The following TLCD4 variants were observed in gnomAD, a reference collection of about 807,000 sequenced individuals.
TLCD4 encodes the protein TLC domain containing 4.
In TLCD4, 7 loss-of-function variants were observed where a neutral mutation model predicts 24.2. The ratio of observed to expected loss-of-function variants is 0.29; its 90% CI spans 0.16 to 0.54. The LOEUF (loss-of-function observed/expected upper bound fraction) is 0.54, where lower values mean the gene tolerates loss of function less well. Ranked by LOEUF, TLCD4 falls within the 20% of genes least tolerant of loss-of-function variation. TLCD4 has a pLI of 0.95. For missense variants in TLCD4, 259 were observed against 313.9 expected, an observed-to-expected ratio of 0.82 and a Z score of 1.32; for synonymous variants, 103 against 106.4, an observed-to-expected ratio of 0.97 and a Z score of 0.20.
chr1:95,156,486 T>C (rs1349383383), intron 5 of TLCD4, among the ~76,000 whole-genome samples: 3 of 152,110 alleles, frequency 2.0e-5, no homozygotes, highest in Non-Finnish European at 4.4e-5. Context: ...CACGGAATGG[T>C]TGTAGGATCT....
intron 5 of TLCD4, among the ~76,000 whole-genome samples, chr1:95,165,467 GT>G (rs992782348): frequency 6.9e-4 from 74 of 107,100 alleles, no homozygotes; most frequent in South Asian, 3.8e-3. Flanking sequence ...GTGTGTGTGT[GT>G]TTTTTTTTTT....
At chr1:95,173,049 A>G (rs1678282370) in intron 5 of TLCD4, among the ~76,000 whole-genome samples, 1 of 152,230 alleles carries the variant, frequency 6.6e-6, no homozygotes, top group Admixed American at 6.5e-5. Context: ...GTTTAAATTT[A>G]GAAAGGTCTC....
chr1:95,152,757 T>C (rs1677527997), intron 5 of TLCD4, among the ~76,000 whole-genome samples: 1 of 152,166 alleles, frequency 6.6e-6, no homozygotes, highest in South Asian at 2.1e-4. Context: ...TTTTTCCTGA[T>C]ACTCATCTTT....
chr1:95,096,557 G>C, the TLCD4 span, among the ~76,000 whole-genome samples: 2 of 152,178 alleles, frequency 1.3e-5, no homozygotes, highest in African/African-American at 4.8e-5. Context: ...TCATGACCCA[G>C]ATATCAGTTG....
chr1:95,155,754 T>G (rs1345894357), intron 5 of TLCD4, among the ~76,000 whole-genome samples: 8 of 150,612 alleles, frequency 5.3e-5, no homozygotes, highest in Admixed American at 5.3e-4. Flanking sequence ...ACAGAGGTTT[T>G]TTTTTTTTTT....
intron 6 of TLCD4, among the ~76,000 whole-genome samples, chr1:95,175,406 G>T (rs1678385422): frequency 6.6e-6 from 1 of 152,168 alleles, no homozygotes; most frequent in Non-Finnish European, 1.5e-5. Context: ...CCTGTTGTAT[G>T]TGTAACACAT....
upstream of TLCD4, among the ~76,000 whole-genome samples, chr1:95,113,757 C>T (rs565093315): frequency 1.1e-3 from 173 of 151,966 alleles, no homozygotes; most frequent in Middle Eastern, 0.017. Flanking sequence ...AAAAAGATGG[C>T]CAGAATCTCA....
At chr1:95,143,350 T>A (rs1470875892) in intron 1 of TLCD4, among the ~76,000 whole-genome samples, 1 of 152,190 alleles carries the variant, frequency 6.6e-6, no homozygotes, top group Non-Finnish European at 1.5e-5. Flanking sequence ...TGTGTTCTTC[T>A]TAAGATTTTA....
At chr1:95,143,779 T>G (rs1024328381) in intron 1 of TLCD4, 112 bp from the exon 2 acceptor site, 18 of 1,048,238 alleles carry the variant, frequency 1.7e-5, no homozygotes, top group Non-Finnish European at 1.9e-5. Context: ...TTCTTAACAT[T>G]TGTTCTAAAT....
chr1:95,182,273 T>G (rs915149931), intron 6 of TLCD4, among the ~76,000 whole-genome samples: 1 of 151,738 alleles, frequency 6.6e-6, no homozygotes. Flanking sequence ...TGTTTTTTGT[T>G]TTTTTTTTCA....
chr1:95,133,175 CTGTT>C (rs916643323), intron 1 of TLCD4, among the ~76,000 whole-genome samples: 1 of 152,010 alleles, frequency 6.6e-6, no homozygotes, highest in Non-Finnish European at 1.5e-5. Flanking sequence ...GAACTTGAGC[CTGTT>C]TAAGAGCCAA....
chr1:95,110,065 C>T, the TLCD4 span, among the ~76,000 whole-genome samples: 14 of 148,074 alleles, frequency 9.5e-5, no homozygotes, highest in Admixed American at 2.7e-4. Flanking sequence ...TACATATACA[C>T]GTACATGTGA....
intron 5 of TLCD4, among the ~76,000 whole-genome samples, chr1:95,154,088 G>A (rs533911179): frequency 4.6e-5 from 7 of 152,150 alleles, no homozygotes; most frequent in Non-Finnish European, 7.4e-5. Context: ...GCTTTAGGTA[G>A]GAGCTTGCAC....
chr1:95,157,790 G>A (rs986642183), intron 5 of TLCD4, among the ~76,000 whole-genome samples: 3 of 152,300 alleles, frequency 2.0e-5, no homozygotes, highest in Non-Finnish European at 4.4e-5. Flanking sequence ...CCAGGAGGAA[G>A]CCGCAAGACT....
At chr1:95,173,731 G>C in intron 5 of TLCD4, 85 bp from the exon 6 acceptor site, 1 of 1,565,086 alleles carries the variant, frequency 6.4e-7, no homozygotes, top group Non-Finnish European at 8.8e-7. Context: ...ATATTATGCT[G>C]AGAAGCTATT....
intron 6 of TLCD4, among the ~76,000 whole-genome samples, chr1:95,190,532 T>A (rs1342666663): frequency 1.3e-5 from 2 of 152,124 alleles, no homozygotes; most frequent in Non-Finnish European, 2.9e-5. Flanking sequence ...TTTCACTATC[T>A]TGGCCAGGCT....
intron 5 of TLCD4, among the ~76,000 whole-genome samples, chr1:95,166,637 C>T (rs1678025538): frequency 6.6e-6 from 1 of 152,208 alleles, no homozygotes; most frequent in African/African-American, 2.4e-5. Context: ...TGTGTGGTCA[C>T]CCTTGCATCA....
intron 2 of TLCD4, among the ~76,000 whole-genome samples, chr1:95,145,725 G>T (rs554531794): frequency 6.6e-6 from 1 of 152,094 alleles, no homozygotes; most frequent in Non-Finnish European, 1.5e-5. Context: ...ATGTTAGGTA[G>T]CTGCAAGTCA....
In TLCD4 at chr1:95,196,556, A is replaced by T. The variant is rs1679211708; in HGVS notation, c.*4688A>T. The T allele has an allele frequency of 6.6e-6, 1 of 152,206 alleles. No individual in the cohort carries two copies. Among genetic ancestry groups the T allele is most frequent in the Non-Finnish European group, 1.5e-5 (1 of 68,036 alleles). The allele number at this position is 152,206 out of a possible 1,614,324, so 9.4% of individuals were successfully genotyped here. ...TTTTGGATAGCAGTGAAGAATTGAAAGCAGCTCCTAAAGATTGGTTTGTTT... is the reference window on the plus strand; with the variant it reads ...TTTTGGATAGCAGTGAAGAATTGAATGCAGCTCCTAAAGATTGGTTTGTTT... On this transcript the variant is annotated 3_prime_UTR_variant, in exon 7 of 7. Coordinates refer to ENST00000370203, the MANE Select transcript of TLCD4 (RefSeq NM_152487.3).
Sources: allele counts gnomAD v4.1 joint callset (sites outside exome capture counted in the v4.1 genomes callset), GRCh38; gene constraint gnomAD v4.1.1; transcripts MANE v1.5; gene names NCBI Gene and HGNC (gene_info 2026-07-23, HGNC 2026-07-21).